Variants in OR8G1 observed in about 807,000 individuals in gnomAD.
The protein encoded by OR8G1 is olfactory receptor family 8 subfamily G member 1, also known as olfactory receptor 8G1.
For missense variants in OR8G1, 372 were observed against 356.2 expected (o/e 1.04, Z -0.36); for synonymous variants, 129 against 133.3 (o/e 0.97, Z 0.22).
In OR8G1 at chr11:124,250,809, C is replaced by G. The variant is rs1861863713; in HGVS notation, c.*198C>G. The G allele has an allele frequency of 2.4e-4, 63 of 263,078 alleles. 13 individuals are homozygous for G. Among genetic ancestry groups the G allele is most frequent in the Non-Finnish European group, 1.9e-5 (3 of 156,116 alleles). The allele number at this position is 263,078 out of a possible 1,614,324, so 16.3% of individuals were successfully genotyped here. ...TTAACTCATATGTATCAATGAGACA[C>G]AAATTAATATAAATACTAAAATCGA... is the stretch of plus-strand genomic sequence containing the variant. On this transcript the variant is annotated 3_prime_UTR_variant, in exon 3 of 3. Coordinates refer to ENST00000641972, the MANE Select transcript of OR8G1 (RefSeq NM_001002905.2).
chr11:124,241,448 C>T (rs1048427702), intron 1 of OR8G1, 84 bp downstream of exon 1: 1 of 152,048 alleles, frequency 6.6e-6, no homozygotes, highest in Non-Finnish European at 1.5e-5. Context: ...ACTATTATTC[C>T]TCATTATCTT....
At chr11:124,246,113 T>A (rs566930217) in intron 1 of OR8G1, among the ~76,000 whole-genome samples, 67 of 151,950 alleles carry the variant, frequency 4.4e-4, no homozygotes, top group African/African-American at 1.4e-3. Flanking sequence ...TGAATGGTAA[T>A]GCCTAGGTTT....
rs889521033 is a variant in OR8G1, at chr11:124,251,659, C to G, written c.*1048C>G. On this transcript the variant is annotated 3_prime_UTR_variant, in exon 3 of 3. Transcript: ENST00000641972. Reference sequence around the variant, plus strand: ...TTTTTCTTTCTTTTCAAACATGTGGCACAGGAAGGTTAAAAAATATGTTTG... The same window carrying G: ...TTTTTCTTTCTTTTCAAACATGTGGGACAGGAAGGTTAAAAAATATGTTTG... The G allele has an allele frequency of 1.5e-5, 3 of 203,416 alleles. No individual in the cohort carries two copies. Among genetic ancestry groups the G allele is most frequent in the African/African-American group, 6.9e-5 (3 of 43,202 alleles). 12.6% of individuals were successfully genotyped at this position (203,416 alleles called of 1,614,324 possible). A position where few individuals can be genotyped will look rare whatever the true frequency, so the allele number is the denominator to read the frequency against.
intron 1 of OR8G1, 145 bp downstream of exon 1, chr11:124,241,509 C>T (rs1288556062): frequency 6.6e-6 from 1 of 152,028 alleles, no homozygotes; most frequent in African/African-American, 2.4e-5. Context: ...TTCAGTGGGC[C>T]AGCCACTTTG....
At position 124,247,827 on chromosome 11, in the gene OR8G1, C is replaced by T. The variant is rs11219532; in HGVS notation, c.-70C>T. 0.28 allele frequency: 42,308 copies of T among 151,600 alleles called. 5,996 individuals are homozygous for T. Among genetic ancestry groups the T allele is most frequent in the South Asian group, 0.39 (1,856 of 4,792 alleles). The allele number at this position is 151,600 out of a possible 1,614,324, so 9.4% of individuals were successfully genotyped here. On this transcript the variant is annotated 5_prime_UTR_variant, in exon 2 of 3. Coordinates refer to ENST00000641972, the MANE Select transcript of OR8G1 (RefSeq NM_001002905.2). ...TTGGGGCTCTTATGAATAAGGCTGT[C>T]ATGAACATTTTTGTATAAATCTTCA...
At chr11:124,243,397 C>G (rs1861778696) in intron 1 of OR8G1, among the ~76,000 whole-genome samples, 1 of 151,908 alleles carries the variant, frequency 6.6e-6, no homozygotes, top group African/African-American at 2.4e-5. Context: ...ATAGAAAATA[C>G]ATTTTTAAAT....
At chr11:124,241,851 A>G (rs910029329) in intron 1 of OR8G1, among the ~76,000 whole-genome samples, 2 of 152,048 alleles carry the variant, frequency 1.3e-5, no homozygotes, top group Non-Finnish European at 2.9e-5. Flanking sequence ...GGAGGATCAC[A>G]GGAACTAAAA....
rs1453675415 is a variant in OR8G1 at position 124,249,806 on chromosome 11, G to A, written c.131G>A (p.Gly44Asp). 1 of 1,613,928 alleles carries A rather than the reference G, an allele frequency of 6.2e-7. No individual in the cohort carries two copies. Among genetic ancestry groups the A allele is most frequent in the Non-Finnish European group, 8.5e-7 (1 of 1,179,930 alleles). The change falls in exon 3 of 3, where the codon GGC becomes GAC. Residue 44 changes from glycine (G) to aspartate (D), a missense_variant. By Grantham distance (94) the Gly-to-Asp change is moderately conservative (BLOSUM62 -1). Coordinates refer to ENST00000641972, the MANE Select transcript of OR8G1 (RefSeq NM_001002905.2). ...IYVVTVVGNL[G>D]MTTLIWLSSH... is the part of the protein sequence containing the mutation. ...GTGGTCACAGTGGTGGGCAACCTGG[G>A]CATGACCACACTGATTTGGCTCAGT...
At position 124,250,558 on chromosome 11, in the gene OR8G1, A is replaced by T. The variant is rs1861862748; in HGVS notation, c.883A>T (p.Lys295Ter). The T allele has an allele frequency of 7.5e-6, 8 of 1,066,600 alleles. 3 individuals carry two copies. In the South Asian group the frequency reaches 1.9e-4, roughly 25 times the overall value. The allele number at this position is 1,066,600 out of a possible 1,614,324, so 66.1% of individuals were successfully genotyped here. A position where few individuals can be genotyped will look rare whatever the true frequency, so the allele number is the denominator to read the frequency against. Residue 295 changes from lysine (K) to a stop codon, truncating the protein, a stop_gained, in exon 3 of 3, where the codon AAA (lysine) becomes TAA (stop). Transcript: ENST00000641972. LOFTEE classifies it low-confidence loss of function (END_TRUNC). ...LNPLIYSLRN[K>*]DVHVSLKKML... ...CCCTCTGATTTATAGCCTGAGGAAT[A>T]AAGATGTCCATGTTTCCCTGAAGAA... is the stretch of plus-strand genomic sequence containing the variant.
intron 1 of OR8G1, among the ~76,000 whole-genome samples, chr11:124,242,309 T>A (rs1311582323): frequency 6.6e-6 from 1 of 152,078 alleles, no homozygotes. Flanking sequence ...ATCTTATCAA[T>A]GTCTTTCTTT....
Position 124,251,660 on chromosome 11 carries a change from A to C in OR8G1, c.*1049A>C, listed in dbSNP as rs965580462. 4.9e-6 allele frequency: 1 copy of C among 204,360 alleles called. No individual in the cohort carries two copies. The highest frequency in any genetic ancestry group is 2.3e-5 in the African/African-American group (1 of 43,278). The allele number at this position is 204,360 out of a possible 1,614,324, so 12.7% of individuals were successfully genotyped here. ...TTTTCTTTCTTTTCAAACATGTGGC[A>C]CAGGAAGGTTAAAAAATATGTTTGA... On this transcript the variant is annotated 3_prime_UTR_variant, in exon 3 of 3. Coordinates refer to ENST00000641972, the MANE Select transcript of OR8G1 (RefSeq NM_001002905.2).
Position 124,251,378 on chromosome 11 carries a change from T to TG in OR8G1, c.*767_*768insG, listed in dbSNP as rs1861865764. 1.2e-3 allele frequency: 47 copies of TG among 37,754 alleles called. 13 individuals carry two copies. The highest frequency in any genetic ancestry group is 5.8e-3 in the South Asian group (3 of 514). The allele number at this position is 37,754 out of a possible 1,614,324, so 2.3% of individuals were successfully genotyped here. A position where few individuals can be genotyped will look rare whatever the true frequency, so the allele number is the denominator to read the frequency against. On this transcript the variant is annotated 3_prime_UTR_variant, in exon 3 of 3. Coordinates refer to ENST00000641972, the MANE Select transcript of OR8G1 (RefSeq NM_001002905.2). ...TGTATGTCATACTTACTTTATCTAT[T>TG]TATCTCTCGAAGAGCTACATATGTT...
intron 1 of OR8G1, among the ~76,000 whole-genome samples, chr11:124,242,395 T>G (rs1397976706): frequency 6.6e-6 from 1 of 152,034 alleles, no homozygotes; most frequent in Non-Finnish European, 1.5e-5. Context: ...TCTAACCTCA[T>G]GAGCACATAG....
intron 1 of OR8G1, among the ~76,000 whole-genome samples, chr11:124,243,756 G>T (rs1861782688): frequency 1.3e-5 from 2 of 152,098 alleles, no homozygotes; most frequent in Admixed American, 6.6e-5. Flanking sequence ...CAGGGAATGT[G>T]TCATTTTACT....
intron 1 of OR8G1, among the ~76,000 whole-genome samples, chr11:124,246,432 CA>C (rs1226713632): frequency 6.6e-6 from 1 of 151,700 alleles, no homozygotes; most frequent in Non-Finnish European, 1.5e-5. Flanking sequence ...ATGTGATTTG[CA>C]AACACTATCA....
chr11:124,244,388 G>A (rs972520943), intron 1 of OR8G1, among the ~76,000 whole-genome samples: 1 of 151,736 alleles, frequency 6.6e-6, no homozygotes, highest in African/African-American at 2.4e-5. Context: ...ACCATATTGG[G>A]AAATCCCTGA....
intron 1 of OR8G1, among the ~76,000 whole-genome samples, chr11:124,247,171 A>C (rs1191474273): frequency 1.3e-5 from 2 of 151,746 alleles, no homozygotes; most frequent in Admixed American, 6.6e-5. Flanking sequence ...TAAAGTTTTT[A>C]GAAACAACTA....
At chr11:124,247,636 C>T (rs1238283336) in intron 1 of OR8G1, among the ~76,000 whole-genome samples, 165 bp from the exon 2 acceptor site, 1 of 151,616 alleles carries the variant, frequency 6.6e-6, no homozygotes, top group East Asian at 1.9e-4. Context: ...TGTGTTATTG[C>T]ATGTATTTGT....
At chr11:124,248,551 T>C (rs1217159697) in intron 2 of OR8G1, among the ~76,000 whole-genome samples, 1 of 152,034 alleles carries the variant, frequency 6.6e-6, no homozygotes, top group Non-Finnish European at 1.5e-5. Flanking sequence ...TATACATTTT[T>C]AGGTTTTCCA....
Sources: allele counts gnomAD v4.1 joint callset (sites outside exome capture counted in the v4.1 genomes callset), GRCh38; gene constraint gnomAD v4.1.1; transcripts MANE v1.5; gene names NCBI Gene and HGNC (gene_info 2026-07-23, HGNC 2026-07-21).